CACNA2D2: variants seen among roughly 807,000 people sequenced by gnomAD.
The protein encoded by CACNA2D2 is calcium voltage-gated channel auxiliary subunit alpha2delta 2, also known as voltage-dependent calcium channel subunit alpha-2/delta-2.
CACNA2D2 carries 48 observed loss-of-function variants against 166.4 expected under a neutral mutation model. That is an observed-to-expected ratio of 0.29 (90% confidence interval 0.23 to 0.37). The LOEUF (loss-of-function observed/expected upper bound fraction) is 0.37. CACNA2D2 is among the 10% of genes least tolerant of loss of function. The pLI, the probability that CACNA2D2 is intolerant of heterozygous loss-of-function variation, is 1.00. For synonymous variants in CACNA2D2, 561 were observed against 573.7 expected (o/e 0.98, Z 0.32); for missense variants, 1,122 against 1,433.0 (o/e 0.78, Z 3.50).
intron 2 of CACNA2D2, among the ~76,000 whole-genome samples, chr3:50,439,565 A>G (rs990547626): frequency 2.0e-5 from 3 of 152,112 alleles, no homozygotes; most frequent in African/African-American, 7.2e-5. Flanking sequence ...CCCTCACCAC[A>G]TTTCACCACA....
At position 50,375,222 on chromosome 3, in the gene CACNA2D2, C is replaced by T. The variant is rs587672338; in HGVS notation, c.1908-409G>A. 2.0e-5 allele frequency among the ~76,000 whole-genome samples: 3 copies of T among 152,306 alleles called. No individual in the cohort carries two copies. The highest frequency in any genetic ancestry group is 4.1e-4 in the South Asian group (2 of 4,826). ...CAAAGCCAGCAGAAAGCAGGGCTGG[C>T]GCAGATATGGTGGGGGCAGGGGGTG... is the stretch of plus-strand genomic sequence containing the variant. On this transcript the variant is annotated intron_variant, in intron 21 of 37. Transcript: ENST00000424201. The surrounding 1 kb of genome is among the most constrained non-coding windows in gnomAD (Gnocchi z 4.0).
intron 3 of CACNA2D2, among the ~76,000 whole-genome samples, chr3:50,399,651 C>T (rs1460268093): frequency 1.3e-5 from 2 of 152,178 alleles, no homozygotes; most frequent in African/African-American, 4.8e-5. Flanking sequence ...CCTCCTTTCA[C>T]AGCCGAGGGG....
Position 50,495,880 on chromosome 3 carries a change from C to T in CACNA2D2, c.206+7338G>A, listed in dbSNP as rs929617903. Reference sequence around the variant, plus strand: ...GATGCTTCACTTCACAAAGGACTCACGGAGCTCCTCTGAGTCCCAAGTCCT... The same window carrying T: ...GATGCTTCACTTCACAAAGGACTCATGGAGCTCCTCTGAGTCCCAAGTCCT... On this transcript the variant is annotated intron_variant, in intron 1 of 37. Transcript: ENST00000424201. 3.9e-5 allele frequency among the ~76,000 whole-genome samples: 6 copies of T among 152,346 alleles called. 1 individual carries two copies. The Middle Eastern group carries it at 0.01, about 259-fold the overall frequency.
Position 50,476,153 on chromosome 3 carries a change from T to A in CACNA2D2, c.253A>T (p.Met85Leu), listed in dbSNP as rs138872491. 1.2e-5 allele frequency: 20 copies of A among 1,602,488 alleles called. No homozygotes were observed. In the Admixed American group the frequency reaches 3.4e-4, roughly 27 times the overall value. ...TGCTGGACGCCTCCAAAAATCCGCATCACGCCGTCGACCTCCTGCTCCAGA... is the reference window on the plus strand; with the variant it reads ...TGCTGGACGCCTCCAAAAATCCGCAACACGCCGTCGACCTCCTGCTCCAGA... The part of the protein sequence containing the change: ...RRLEQEVDGV[M>L]RIFGGVQQLR... The change falls in exon 2 of 38, where the codon ATG (methionine) becomes TTG (leucine). Residue 85 changes from methionine to leucine, a missense_variant. Physicochemically the swap from Met to Leu is conservative, Grantham distance 15 (BLOSUM62 2). Coordinates refer to ENST00000424201, the MANE Select transcript of CACNA2D2 (RefSeq NM_006030.4).
chr3:50,369,516 A>C lies in CACNA2D2; in HGVS notation c.2045+804T>G, dbSNP rs78779776. On this transcript the variant is annotated intron_variant, in intron 23 of 37. Transcript: ENST00000424201. ...AGAGAGTCACAGAGAAACTGGGTGC[A>C]TGCACATACGTGCACACACGAAGGT... 5.7e-4 allele frequency among the ~76,000 whole-genome samples: 87 copies of C among 152,368 alleles called. No individual in the cohort carries two copies. In the East Asian group the frequency reaches 0.015, roughly 26 times the overall value.
At position 50,430,574 on chromosome 3, in the gene CACNA2D2, A is replaced by AC. The variant is rs567113309; in HGVS notation, c.405+3738dup. On this transcript the variant is annotated intron_variant, in intron 3 of 37. Coordinates refer to ENST00000424201, the MANE Select transcript of CACNA2D2 (RefSeq NM_006030.4). ...AACCGGGCCTGTCCTTCATCACTGC[A>AC]CCCCCAGCCCTGAACAGGGCATGGT... 7.6e-4 allele frequency among the ~76,000 whole-genome samples: 116 copies of AC among 152,164 alleles called. 1 individual carries two copies. The highest frequency in any genetic ancestry group is 2.1e-3 in the African/African-American group (87 of 41,504).
chr3:50,495,387 C>T (rs767071151), intron 1 of CACNA2D2, among the ~76,000 whole-genome samples: 1 of 152,174 alleles, frequency 6.6e-6, no homozygotes, highest in Admixed American at 6.5e-5. Flanking sequence ...CACACAGGCG[C>T]GTCCTGAAAA....
chr3:50,364,706 G>C lies in CACNA2D2; in HGVS notation c.3392C>G (p.Pro1131Arg). 4.5e-6 allele frequency: 7 copies of C among 1,545,644 alleles called. No individual in the cohort carries two copies. Among genetic ancestry groups the C allele is most frequent in the Non-Finnish European group, 6.1e-6 (7 of 1,144,924 alleles). Residue 1131 changes from proline (P) to arginine (R), a missense_variant, in exon 38 of 38, where the codon CCG becomes CGG. Pro to Arg is a moderately radical substitution (Grantham distance 103). This residue lies in a region of CACNA2D2 where 282 missense variants were observed against 266.2 expected (regional missense o/e 1.06). Transcript: ENST00000424201. ...GGCGTGGACGAGGACTTGAGGCTGC[G>C]GCCGGGGCGGCAGGCCCAGGAGGAG... ...LLLLLGLPPR[P>R]QPQVLVHASR...
chr3:50,368,682 AGGTAACTCACTCAC>A (rs1704488971), intron 23 of CACNA2D2, among the ~76,000 whole-genome samples: 1 of 152,226 alleles, frequency 6.6e-6, no homozygotes, highest in African/African-American at 2.4e-5. Flanking sequence ...GTGTGCCGTT[AGGTAACTCACTCAC>A]GCTCTCTGAC....
At chr3:50,475,570 C>T (rs1230688400) in intron 2 of CACNA2D2, among the ~76,000 whole-genome samples, 5 of 152,220 alleles carry the variant, frequency 3.3e-5, no homozygotes, top group Non-Finnish European at 7.3e-5. Context: ...CTGCTCTTCA[C>T]ATCACTATTT....
intron 13 of CACNA2D2, among the ~76,000 whole-genome samples, 173 bp from the exon 14 acceptor site, chr3:50,378,506 T>C (rs1050275478): frequency 6.6e-6 from 1 of 152,084 alleles, no homozygotes; most frequent in Non-Finnish European, 1.5e-5. Flanking sequence ...GGCGGTGCTA[T>C]GGAGAGGGAG....
intron 3 of CACNA2D2, among the ~76,000 whole-genome samples, chr3:50,408,166 G>A (rs1215778543): frequency 3.3e-5 from 5 of 152,204 alleles, no homozygotes; most frequent in Non-Finnish European, 5.9e-5. Context: ...TGATCAAATG[G>A]CAGAGCTCAA....
intron 1 of CACNA2D2, among the ~76,000 whole-genome samples, chr3:50,498,443 A>G (rs1698813720): frequency 6.6e-6 from 1 of 152,080 alleles, no homozygotes; most frequent in African/African-American, 2.4e-5. Context: ...TTCTCTCCGG[A>G]ATCAGACTGG....
At chr3:50,459,220 A>C (rs1404780806) in intron 2 of CACNA2D2, among the ~76,000 whole-genome samples, 1 of 152,206 alleles carries the variant, frequency 6.6e-6, no homozygotes, top group East Asian at 1.9e-4. Context: ...CCAGGTATAC[A>C]CATGGGTGGC....
chr3:50,406,657 A>T (rs1706728400), intron 3 of CACNA2D2, among the ~76,000 whole-genome samples: 1 of 151,498 alleles, frequency 6.6e-6, no homozygotes, highest in Non-Finnish European at 1.5e-5. Flanking sequence ...CTCCACCATC[A>T]CTACCTTCAT....
At chr3:50,404,140 T>C (rs17050976) in intron 3 of CACNA2D2, among the ~76,000 whole-genome samples, 4,748 of 152,174 alleles carry the variant, frequency 0.031, 243 homozygotes, top group African/African-American at 0.11. Flanking sequence ...GGGATAGAGA[T>C]GGCAGAAACC....
At chr3:50,393,774 A>G (rs1014448760) in intron 4 of CACNA2D2, among the ~76,000 whole-genome samples, 2 of 152,204 alleles carry the variant, frequency 1.3e-5, no homozygotes, top group Non-Finnish European at 2.9e-5. Context: ...AAAGCCTCTG[A>G]CAAGTCCTGA....
At chr3:50,474,643 C>T (rs7610830) in intron 2 of CACNA2D2, among the ~76,000 whole-genome samples, 13,146 of 152,164 alleles carry the variant, frequency 0.086, 1,727 homozygotes, top group African/African-American at 0.28. Flanking sequence ...GGAGGAGTAC[C>T]GTTAACTCCT....
chr3:50,376,277 G>C lies in CACNA2D2; in HGVS notation c.1627-89C>G. ...GTTCTTCCCTATTTGGCCTCCCACC[G>C]CACCGAGAGATTCTGTTTGCCTGCC... On this transcript the variant is annotated intron_variant, in intron 17 of 37. Coordinates refer to ENST00000424201, the MANE Select transcript of CACNA2D2 (RefSeq NM_006030.4). The surrounding 1 kb of genome is among the most constrained non-coding windows in gnomAD (Gnocchi z 4.3). 3 of 1,326,212 alleles carry C rather than the reference G, an allele frequency of 2.3e-6. No individual in the cohort carries two copies. Among genetic ancestry groups the C allele is most frequent in the Admixed American group, 4.0e-5 (2 of 50,356 alleles). The allele number at this position is 1,326,212 out of a possible 1,614,324, so 82.2% of individuals were successfully genotyped here. A position where few individuals can be genotyped will look rare whatever the true frequency, so the allele number is the denominator to read the frequency against.
Sources: gnomAD v4.1 joint callset for allele counts (sites outside exome capture counted in the v4.1 genomes callset) on GRCh38, gnomAD v4.1.1 for gene constraint, gnomAD v4.1.1 regional missense constraint, Gnocchi (gnomAD v3.1) non-coding constraint, MANE v1.5 for transcripts, NCBI Gene and HGNC (gene_info 2026-07-23, HGNC 2026-07-21) for gene names.